The following SUPT3H variants were observed in gnomAD, a reference collection of about 807,000 sequenced individuals.
The protein encoded by SUPT3H is transcription initiation protein SPT3 homolog.
SUPT3H carries 44 observed loss-of-function variants against 44.3 expected under a neutral mutation model. The observed-to-expected ratio is 0.99, with a 90% CI of 0.78 to 1.28. The LOEUF (loss-of-function observed/expected upper bound fraction) is 1.28. SUPT3H is among the 50% of genes most tolerant of loss of function. The pLI, the probability that SUPT3H is intolerant of heterozygous loss-of-function variation, is 0.00. For missense variants in SUPT3H, 380 were observed against 387.1 expected, an observed-to-expected ratio of 0.98 and a Z score of 0.15; for synonymous variants, 124 against 125.6, an observed-to-expected ratio of 0.99 and a Z score of 0.09.
chr6:45,317,563 T>A (rs1435346254), intron 2 of SUPT3H, among the ~76,000 whole-genome samples: 1 of 152,036 alleles, frequency 6.6e-6, no homozygotes, highest in African/African-American at 2.4e-5. Flanking sequence ...TGATTTTCAA[T>A]AAAGATGCCA....
intron 10 of SUPT3H, among the ~76,000 whole-genome samples, chr6:44,902,594 C>A (rs1765272499): frequency 6.6e-6 from 1 of 152,110 alleles, no homozygotes; most frequent in Admixed American, 6.6e-5. Flanking sequence ...GACTTTAACA[C>A]CCCACTGTCA....
intron 2 of SUPT3H, among the ~76,000 whole-genome samples, chr6:45,289,917 C>A (rs1780037897): frequency 6.6e-6 from 1 of 152,160 alleles, no homozygotes; most frequent in African/African-American, 2.4e-5. Flanking sequence ...TGCAATGGTT[C>A]ACACCTATAG....
chr6:45,068,296 C>T (rs1236418188), intron 3 of SUPT3H, among the ~76,000 whole-genome samples: 5 of 128,370 alleles, frequency 3.9e-5, no homozygotes. Context: ...GGGAATATCA[C>T]ACTCTGGGGA....
At chr6:44,949,787 A>G (rs1281575983) in intron 9 of SUPT3H, among the ~76,000 whole-genome samples, 1 of 152,232 alleles carries the variant, frequency 6.6e-6, no homozygotes, top group East Asian at 1.9e-4. Context: ...TGACAATGCC[A>G]AATGTTGATG....
At chr6:45,007,779 T>C (rs1782926636) in intron 5 of SUPT3H, among the ~76,000 whole-genome samples, 1 of 151,670 alleles carries the variant, frequency 6.6e-6, no homozygotes, top group East Asian at 1.9e-4. Flanking sequence ...AGTTGTAATG[T>C]AATCAATGGT....
chr6:45,276,514 T>C (rs1290169385), intron 2 of SUPT3H, among the ~76,000 whole-genome samples: 1 of 152,150 alleles, frequency 6.6e-6, no homozygotes, highest in Non-Finnish European at 1.5e-5. Context: ...TCTTTTTCCA[T>C]GTGGTTTTGC....
At chr6:44,860,493 CTT>C (rs1253531161) in intron 10 of SUPT3H, among the ~76,000 whole-genome samples, 2 of 152,178 alleles carry the variant, frequency 1.3e-5, no homozygotes. Flanking sequence ...GCTTGAGTGA[CTT>C]TTCCAAATGT....
chr6:44,812,990 T>C (rs941022000), intron 11 of SUPT3H, among the ~76,000 whole-genome samples: 1 of 152,056 alleles, frequency 6.6e-6, no homozygotes, highest in African/African-American at 2.4e-5. Flanking sequence ...TGAGCAAAAA[T>C]TCCATCAATC....
intron 2 of SUPT3H, among the ~76,000 whole-genome samples, chr6:45,308,299 G>A (rs941894472): frequency 5.3e-5 from 8 of 152,138 alleles, no homozygotes; most frequent in Non-Finnish European, 1.2e-4. Flanking sequence ...ATAATTGTCA[G>A]ATTCACCTAA....
At chr6:45,374,269 T>C (rs975262471) in intron 1 of SUPT3H, among the ~76,000 whole-genome samples, 3 of 152,198 alleles carry the variant, frequency 2.0e-5, no homozygotes, top group African/African-American at 4.8e-5. Flanking sequence ...AGAACATTAT[T>C]ATCACTTCTA....
intron 6 of SUPT3H, among the ~76,000 whole-genome samples, chr6:44,987,368 TATG>T (rs1779964734): frequency 1.3e-5 from 2 of 151,854 alleles, no homozygotes; most frequent in South Asian, 4.2e-4. Flanking sequence ...TCTCTGAAAA[TATG>T]ATATGTGAGT....
chr6:45,320,962 TTA>T (rs1012798877), intron 2 of SUPT3H, among the ~76,000 whole-genome samples: 1 of 151,968 alleles, frequency 6.6e-6, no homozygotes, highest in Non-Finnish European at 1.5e-5. Context: ...TTTAAGGCTT[TTA>T]TATATATATT....
chr6:45,212,630 A>C (rs570897877), intron 2 of SUPT3H, among the ~76,000 whole-genome samples: 1 of 152,154 alleles, frequency 6.6e-6, no homozygotes, highest in African/African-American at 2.4e-5. Context: ...TCTTCAAGAA[A>C]CTTCCAAAGG....
chr6:44,958,127 T>C (rs1384497487), intron 7 of SUPT3H, among the ~76,000 whole-genome samples: 1 of 152,192 alleles, frequency 6.6e-6, no homozygotes. Context: ...ACAAACAGAA[T>C]CCTGAGCAAT....
At chr6:45,018,126 C>G (rs890502149) in intron 4 of SUPT3H, among the ~76,000 whole-genome samples, 1 of 151,766 alleles carries the variant, frequency 6.6e-6, no homozygotes, top group African/African-American at 2.4e-5. Flanking sequence ...TGGGAGTTCA[C>G]TCATGAGTTG....
At chr6:44,821,488 A>G (rs1438408125) in intron 11 of SUPT3H, among the ~76,000 whole-genome samples, 2 of 152,078 alleles carry the variant, frequency 1.3e-5, no homozygotes, top group African/African-American at 2.4e-5. Context: ...CCCTCTTTCA[A>G]TTTTCATTAT....
At chr6:45,226,338 AGT>A (rs751370822) in intron 2 of SUPT3H, among the ~76,000 whole-genome samples, 1,519 of 151,776 alleles carry the variant, frequency 0.01, 12 homozygotes, top group Non-Finnish European at 0.016. Flanking sequence ...TGTATGTTTG[AGT>A]GTGTGTGTGT....
intron 2 of SUPT3H, among the ~76,000 whole-genome samples, chr6:45,322,396 A>T (rs187551835): frequency 1.1e-3 from 168 of 150,864 alleles, no homozygotes; most frequent in African/African-American, 3.7e-3. Context: ...TCTAATATTA[A>T]TATAATTAAA....
chr6:44,988,520 A>T lies in SUPT3H; in HGVS notation c.504+15133T>A, dbSNP rs1013859289. Among the ~76,000 whole-genome samples the T allele has an allele frequency of 1.4e-3, 4 of 2,792 alleles. No individual in the cohort carries two copies. In the South Asian group the frequency reaches 0.051, roughly 36 times the overall value. 1.8% of individuals were successfully genotyped at this position (2,792 alleles called of 152,430 possible). On this transcript the variant is annotated intron_variant, in intron 6 of 10. Transcript: ENST00000371459. Reference sequence around the variant, plus strand: ...CAGACTATGTATGAAAGGCTTAAATAAAAAAAAAAAAAAAAAAAAAAAATT... The same window carrying T: ...CAGACTATGTATGAAAGGCTTAAATTAAAAAAAAAAAAAAAAAAAAAAATT...
Sources: allele counts gnomAD v4.1 joint callset (sites outside exome capture counted in the v4.1 genomes callset), GRCh38; gene constraint gnomAD v4.1.1; transcripts MANE v1.5; gene names NCBI Gene and HGNC (gene_info 2026-07-23, HGNC 2026-07-21).